PTK2: variants seen among roughly 807,000 people sequenced by gnomAD.
PTK2 encodes the protein protein tyrosine kinase 2.
A neutral mutation model predicts 150.1 loss-of-function variants in PTK2; 45 were observed. The observed-to-expected ratio is 0.30, with a 90% CI of 0.24 to 0.38. The LOEUF (loss-of-function observed/expected upper bound fraction) is 0.38, where lower values mean the gene tolerates loss of function less well. Among genes scored for constraint, PTK2 ranks in the 10% least tolerant of loss-of-function variants. PTK2 has a pLI of 1.00. For synonymous variants in PTK2, 432 were observed against 449.2 expected (o/e 0.96, Z 0.48); for missense variants, 919 against 1,307.3 (o/e 0.70, Z 4.58).
chr8:140,897,607 A>G (rs2100156808), intron 2 of PTK2, among the ~76,000 whole-genome samples: 1 of 152,172 alleles, frequency 6.6e-6, no homozygotes, highest in African/African-American at 2.4e-5. Context: ...CATCTGGGTC[A>G]CCTCTTTGGG....
At chr8:140,851,375 G>A (rs2154604723) in intron 5 of PTK2, among the ~76,000 whole-genome samples, 1 of 152,170 alleles carries the variant, frequency 6.6e-6, no homozygotes, top group South Asian at 2.1e-4. Flanking sequence ...TGACTATCAT[G>A]CGCCAGGATA....
At chr8:140,667,052 G>A (rs554318831) in intron 30 of PTK2, among the ~76,000 whole-genome samples, 17 of 152,266 alleles carry the variant, frequency 1.1e-4, no homozygotes, top group Non-Finnish European at 1.5e-4. Flanking sequence ...ACTTATAAGC[G>A]GTACCTAGGG....
rs116208022 is a variant in PTK2 at position 140,995,489 on chromosome 8, C to T, written c.-122+5636G>A. Among the ~76,000 whole-genome samples, 1,128 of 151,820 alleles carry T rather than the reference C, an allele frequency of 7.4e-3. 12 individuals carry two copies. Among genetic ancestry groups the T allele is most frequent in the African/African-American group, 0.025 (1,042 of 41,378 alleles). ...TTAAATCGAAAGCTAGAAATGATTA[C>T]GCTTAGTGAGAAAAAACGTCAAAAA... On this transcript the variant is annotated intron_variant, in intron 1 of 31. Transcript: ENST00000522684.
intron 1 of PTK2, among the ~76,000 whole-genome samples, chr8:140,979,735 C>A (rs1045280622): frequency 6.6e-6 from 1 of 152,090 alleles, no homozygotes; most frequent in African/African-American, 2.4e-5. Flanking sequence ...GTGATGTTCT[C>A]GTGATACTAA....
chr8:140,752,841 C>G lies in PTK2; in HGVS notation c.1333-525G>C, dbSNP rs569042031. On this transcript the variant is annotated intron_variant, in intron 16 of 31. Coordinates refer to ENST00000522684, the Ensembl canonical transcript of PTK2. ...TAAAGGAGGGAGGAGAGGGAGCTGG[C>G]TAAGAAACAGCAGGGAACAGTGTAT... Among the ~76,000 whole-genome samples the G allele has an allele frequency of 1.1e-4, 16 of 152,226 alleles. No individual in the cohort carries two copies. In the South Asian group the frequency reaches 3.1e-3, roughly 30 times the overall value.
At chr8:140,904,514 A>C (rs1480627791) in intron 2 of PTK2, among the ~76,000 whole-genome samples, 1 of 152,156 alleles carries the variant, frequency 6.6e-6, no homozygotes, top group East Asian at 1.9e-4. Flanking sequence ...GACCTCATAA[A>C]ATGAGTTAGG....
rs1363618707 is a variant in PTK2, at chr8:140,667,463, TC to T, written c.2865+805del. On this transcript the variant is annotated intron_variant, in intron 30 of 31. Transcript: ENST00000522684. ...TGTCCTCTTTCTTTCTCTCTCTCTC[TC>T]TCTTTTTTTTTTTTTTTAAAGAGAT... Among the ~76,000 whole-genome samples the T allele has an allele frequency of 5.1e-3, 657 of 128,128 alleles. 3 individuals carry two copies. The highest frequency in any genetic ancestry group is 0.017 in the Middle Eastern group (4 of 240). 84.1% of individuals were successfully genotyped at this position (128,128 alleles called of 152,430 possible). A position where few individuals can be genotyped will look rare whatever the true frequency, so the allele number is the denominator to read the frequency against.
chr8:140,734,938 G>C, intron 22 of PTK2: 1 of 440,058 alleles, frequency 2.3e-6, no homozygotes, highest in Non-Finnish European at 4.2e-6. Flanking sequence ...ATGGAGGGTT[G>C]TGTTAGATGA....
intron 22 of PTK2, among the ~76,000 whole-genome samples, chr8:140,723,528 G>A (rs2100044157): frequency 6.6e-6 from 1 of 152,214 alleles, no homozygotes; most frequent in Non-Finnish European, 1.5e-5. Flanking sequence ...CTTTACAGCT[G>A]CTGAAGAATC....
At chr8:140,728,066 G>A (rs549549176) in intron 22 of PTK2, among the ~76,000 whole-genome samples, 27 of 152,190 alleles carry the variant, frequency 1.8e-4, no homozygotes, top group Non-Finnish European at 3.2e-4. Flanking sequence ...CAGCACAGTG[G>A]TGCGCGCCTG....
intron 5 of PTK2, among the ~76,000 whole-genome samples, chr8:140,849,862 G>A (rs988418618): frequency 5.3e-5 from 8 of 152,132 alleles, no homozygotes; most frequent in African/African-American, 9.7e-5. Flanking sequence ...TATCAACCCC[G>A]AAAACTCCAG....
chr8:140,925,324 C>T (rs999727040), intron 2 of PTK2, among the ~76,000 whole-genome samples: 12 of 152,112 alleles, frequency 7.9e-5, no homozygotes, highest in African/African-American at 1.9e-4. Flanking sequence ...TAAATAACTT[C>T]GACAGTTTTA....
intron 1 of PTK2, among the ~76,000 whole-genome samples, chr8:140,937,585 TA>T (rs35149796): frequency 0.026 from 3,402 of 130,088 alleles, 123 homozygotes; most frequent in African/African-American, 0.087. Context: ...AAGTAAACAA[TA>T]AAAAAAAAAA....
chr8:140,701,035 T>G lies in PTK2; in HGVS notation c.2368-13A>C, dbSNP rs751698537. Reference sequence around the variant, plus strand: ...ATACTGTAGAGTCCTGGAAGAAGGGTTGAAAACAGCATATTCAGTCTCATA... The same window carrying G: ...ATACTGTAGAGTCCTGGAAGAAGGGGTGAAAACAGCATATTCAGTCTCATA... On this transcript the variant is annotated splice_polypyrimidine_tract_variant and intron_variant, in intron 25 of 31. Transcript: ENST00000522684. 6.2e-7 allele frequency: 1 copy of G among 1,612,028 alleles called. No homozygotes were observed. Among genetic ancestry groups the G allele is most frequent in the Admixed American group, 1.7e-5 (1 of 59,730 alleles).
At chr8:140,680,115 G>A (rs997681421) in intron 27 of PTK2, among the ~76,000 whole-genome samples, 9 of 152,312 alleles carry the variant, frequency 5.9e-5, no homozygotes, top group African/African-American at 2.2e-4. Flanking sequence ...ACAGTACCTT[G>A]TAGTACTAAG....
intron 1 of PTK2, among the ~76,000 whole-genome samples, chr8:140,958,319 A>AT (rs1194156189): frequency 6.6e-6 from 1 of 151,778 alleles, no homozygotes; most frequent in Non-Finnish European, 1.5e-5. Flanking sequence ...CTTTTTTTTA[A>AT]TTTTTTGTAG....
At chr8:140,846,707 ACT>A in intron 5 of PTK2, 29 bp from the exon 6 acceptor site, 3 of 1,524,270 alleles carry the variant, frequency 2.0e-6, no homozygotes, top group Non-Finnish European at 2.7e-6. Flanking sequence ...GAAAAACAAC[ACT>A]GTTTTAAAAG....
At chr8:140,868,869 G>A (rs1028245083) in intron 4 of PTK2, among the ~76,000 whole-genome samples, 3 of 152,124 alleles carry the variant, frequency 2.0e-5, no homozygotes, top group Non-Finnish European at 4.4e-5. Flanking sequence ...ACCAGAAAAG[G>A]AACGGTAAGT....
chr8:140,662,973 C>T, intron 31 of PTK2: 2 of 411,308 alleles, frequency 4.9e-6, no homozygotes, highest in Non-Finnish European at 8.6e-6. Context: ...GAAAGCAACA[C>T]CACGTGCAAA....
Sources: allele counts gnomAD v4.1 joint callset (sites outside exome capture counted in the v4.1 genomes callset), GRCh38; gene constraint gnomAD v4.1.1; transcripts MANE v1.5; gene names NCBI Gene and HGNC (gene_info 2026-07-23, HGNC 2026-07-21).